Variants in KAZN observed in about 807,000 individuals in gnomAD.
The protein encoded by KAZN is kazrin, periplakin interacting protein, also known as kazrin.
Under a neutral mutation model 87.4 loss-of-function variants are expected in KAZN, and 40 were observed. The ratio of observed to expected loss-of-function variants is 0.46; its 90% CI spans 0.36 to 0.60. The LOEUF (loss-of-function observed/expected upper bound fraction) is 0.60. Ranked by LOEUF, KAZN falls within the 20% of genes least tolerant of loss-of-function variation. KAZN has a pLI of 0.00. For synonymous variants in KAZN, 466 were observed against 458.3 expected, an observed-to-expected ratio of 1.02 and a Z score of -0.22; for missense variants, 898 against 1,073.9, an observed-to-expected ratio of 0.84 and a Z score of 2.29.
At chr1:14,416,081 T>A (rs1273122926) in intron 2 of KAZN, among the ~76,000 whole-genome samples, 1 of 152,198 alleles carries the variant, frequency 6.6e-6, no homozygotes, top group African/African-American at 2.4e-5. Context: ...GCTCTCCTGC[T>A]TCATGAACTT....
intron 1 of KAZN, among the ~76,000 whole-genome samples, chr1:14,733,950 G>C (rs72868417): frequency 1.3e-5 from 2 of 152,146 alleles, no homozygotes; most frequent in African/African-American, 2.4e-5. Context: ...ACACCATAGG[G>C]CTGCGCACAG....
At chr1:14,359,755 A>C (rs926350129) in intron 2 of KAZN, among the ~76,000 whole-genome samples, 2 of 152,156 alleles carry the variant, frequency 1.3e-5, no homozygotes, top group African/African-American at 4.8e-5. Flanking sequence ...AGAATGTTGA[A>C]TATTGGCCCT....
chr1:15,060,158 T>C lies in KAZN; in HGVS notation c.917-14T>C, dbSNP rs1401150635. The C allele has an allele frequency of 6.2e-7, 1 of 1,613,920 alleles. No homozygotes were observed. The highest frequency in any genetic ancestry group is 1.3e-5 in the African/African-American group (1 of 74,942). On this transcript the variant is annotated splice_polypyrimidine_tract_variant and intron_variant, in intron 5 of 14. Transcript: ENST00000376030. ...CTCTCCATCCCTCACTCACCAGCTG[T>C]CCCTGCTTTCCAGCGGTCAGGGTGA...
At chr1:14,805,762 AAATAATAAT>A (rs146219963) in intron 1 of KAZN, among the ~76,000 whole-genome samples, 3,099 of 142,960 alleles carry the variant, frequency 0.022, 79 homozygotes, top group Admixed American at 0.065. Context: ...CCCCATCTCA[AAATAATAAT>A]AATAATAATA....
chr1:14,743,092 A>G (rs1428047967), intron 1 of KAZN, among the ~76,000 whole-genome samples: 7 of 152,256 alleles, frequency 4.6e-5, no homozygotes, highest in Non-Finnish European at 1.5e-5. Flanking sequence ...CGCAGGCATG[A>G]AGAGGCCAGG....
At chr1:13,994,673 C>A (rs541728961) in intron 1 of KAZN, among the ~76,000 whole-genome samples, 9 of 152,120 alleles carry the variant, frequency 5.9e-5, no homozygotes, top group African/African-American at 2.2e-4. Flanking sequence ...AGAATTTATC[C>A]CTAAACAGCC....
chr1:14,492,993 T>C (rs550119993), intron 2 of KAZN, among the ~76,000 whole-genome samples: 2 of 83,368 alleles, frequency 2.4e-5, no homozygotes, highest in South Asian at 8.8e-4. Context: ...TTGCCCTGGC[T>C]GTTCCCTCTG....
In KAZN at chr1:14,598,867, G is replaced by A. The variant is rs1484180026; in HGVS notation, c.-131G>A. 31 of 1,443,688 alleles carry A rather than the reference G, an allele frequency of 2.1e-5. No homozygotes were observed. The highest frequency in any genetic ancestry group is 2.8e-5 in the Non-Finnish European group (31 of 1,106,198). 89.4% of individuals were successfully genotyped at this position (1,443,688 alleles called of 1,614,324 possible). ...GAGGAACCGGCGCTGCCGGTGCCTG[G>A]GGGTCGGGGCGCGGGCGAAGCCGGG... On this transcript the variant is annotated 5_prime_UTR_variant, in exon 1 of 15. Coordinates refer to ENST00000376030, the MANE Select transcript of KAZN (RefSeq NM_201628.3). This position sits in a 1 kb window ranked among gnomAD's most constrained non-coding sequence, Gnocchi z 4.2.
chr1:14,258,549 A>G (rs549193884), intron 2 of KAZN, among the ~76,000 whole-genome samples: 90 of 152,220 alleles, frequency 5.9e-4, no homozygotes, highest in African/African-American at 2.1e-3. Flanking sequence ...ACAGAGTTCA[A>G]CTATAATTCT....
intron 2 of KAZN, among the ~76,000 whole-genome samples, chr1:14,300,172 A>G (rs1166451075): frequency 6.6e-6 from 1 of 152,146 alleles, no homozygotes; most frequent in Non-Finnish European, 1.5e-5. Context: ...AGGATATGGG[A>G]AGCACCCTAG....
At chr1:14,341,434 G>A (rs532219217) in intron 2 of KAZN, among the ~76,000 whole-genome samples, 40 of 152,070 alleles carry the variant, frequency 2.6e-4, no homozygotes, top group Non-Finnish European at 5.1e-4. Flanking sequence ...GGCTCCCAAC[G>A]CACGCAGTCC....
In KAZN at chr1:14,599,232, GC is replaced by G. The variant is rs1277888539; in HGVS notation, c.226+13del. 7.3e-7 allele frequency: 1 copy of G among 1,366,228 alleles called. No homozygotes were observed. Among genetic ancestry groups the G allele is most frequent in the Admixed American group, 3.7e-5 (1 of 27,142 alleles). The allele number at this position is 1,366,228 out of a possible 1,614,324, so 84.6% of individuals were successfully genotyped here. A position where few individuals can be genotyped will look rare whatever the true frequency, so the allele number is the denominator to read the frequency against. The stretch of plus-strand genomic sequence containing the variant: ...CCAGCTTGGAGCGCAAGGTAGGATC[GC>G]CCCGGCGCCCAGGGCGGAGGAAGGC... On this transcript the variant is annotated intron_variant, in intron 1 of 14. Coordinates refer to ENST00000376030, the MANE Select transcript of KAZN (RefSeq NM_201628.3). This position sits in a 1 kb window ranked among gnomAD's most constrained non-coding sequence, Gnocchi z 4.4.
chr1:14,832,659 C>T (rs1400105299), intron 1 of KAZN, among the ~76,000 whole-genome samples: 1 of 152,182 alleles, frequency 6.6e-6, no homozygotes, highest in Non-Finnish European at 1.5e-5. Context: ...TTTACAAATT[C>T]GTATCGGGCT....
chr1:14,720,460 C>T (rs1643035071), intron 1 of KAZN, among the ~76,000 whole-genome samples: 1 of 152,174 alleles, frequency 6.6e-6, no homozygotes, highest in Non-Finnish European at 1.5e-5. Context: ...CCTTCTGAAA[C>T]CTGCCTCATG....
intron 1 of KAZN, among the ~76,000 whole-genome samples, chr1:14,617,242 G>A (rs1318170356): frequency 6.6e-6 from 1 of 152,182 alleles, no homozygotes; most frequent in African/African-American, 2.4e-5. Flanking sequence ...CCACAATAAA[G>A]CAAATATCGA....
At chr1:13,955,078 C>G (rs1294950877) in intron 1 of KAZN, among the ~76,000 whole-genome samples, 2 of 152,148 alleles carry the variant, frequency 1.3e-5, no homozygotes, top group African/African-American at 4.8e-5. Context: ...GAAAATGAAG[C>G]TATGTCATTT....
intron 1 of KAZN, among the ~76,000 whole-genome samples, chr1:14,691,746 C>G (rs1241825819): frequency 6.6e-6 from 1 of 152,146 alleles, no homozygotes; most frequent in Non-Finnish European, 1.5e-5. Flanking sequence ...CTCAGCCTCC[C>G]AGAGTGCCGT....
Position 15,064,329 on chromosome 1 carries a change from T to C in KAZN, c.1098+707T>C, listed in dbSNP as rs189532534. Among the ~76,000 whole-genome samples, 18 of 152,198 alleles carry C rather than the reference T, an allele frequency of 1.2e-4. 1 individual carries two copies. Among genetic ancestry groups the C allele is most frequent in the Admixed American group, 1.2e-3 (18 of 15,284 alleles). On this transcript the variant is annotated intron_variant, in intron 7 of 14. Coordinates refer to ENST00000376030, the MANE Select transcript of KAZN (RefSeq NM_201628.3). ...GGTTCAAATGCAGATTCCTGGGCCA[T>C]TTGCCCTAGAGATTCTGATCCACCA...
At chr1:14,131,076 G>A (rs1001598831) in intron 1 of KAZN, among the ~76,000 whole-genome samples, 14 of 152,206 alleles carry the variant, frequency 9.2e-5, no homozygotes, top group African/African-American at 2.9e-4. Flanking sequence ...AAGGTGAAGC[G>A]GAAGCAAAGC....
Sources: allele counts gnomAD v4.1 joint callset (sites outside exome capture counted in the v4.1 genomes callset), GRCh38; gene constraint gnomAD v4.1.1; non-coding constraint Gnocchi (gnomAD v3.1); transcripts MANE v1.5; gene names NCBI Gene and HGNC (gene_info 2026-07-23, HGNC 2026-07-21).